NAV2: variants seen among roughly 807,000 people sequenced by gnomAD.
NAV2 encodes helicase, APC down-regulated 1.
Under a neutral mutation model 223.2 loss-of-function variants are expected in NAV2, and 54 were observed. The observed-to-expected ratio is 0.24, with a 90% CI of 0.19 to 0.30. The LOEUF is 0.30. Among genes scored for constraint, NAV2 ranks in the 10% least tolerant of loss-of-function variants. NAV2 has a pLI of 1.00. For synonymous variants in NAV2, 1,279 were observed against 1,239.3 expected, an observed-to-expected ratio of 1.03 and a Z score of -0.67; for missense variants, 2,806 against 3,147.5, an observed-to-expected ratio of 0.89 and a Z score of 2.60.
rs562606699 is a variant in NAV2, at chr11:19,689,560, T to G, written c.76-142924T>G. On this transcript the variant is annotated intron_variant, in intron 1 of 37. Transcript: ENST00000360655. ...CATAATCAGCCAGCTAAATTGCCTT[T>G]TGGTTTCTGATTTTGGTGGCATTGC... Among the ~76,000 whole-genome samples, 26 of 152,334 alleles carry G rather than the reference T, an allele frequency of 1.7e-4. No individual in the cohort carries two copies. The East Asian group carries it at 5.0e-3, about 29-fold the overall frequency.
At chr11:19,546,788 C>A (rs1455840989) in intron 1 of NAV2, among the ~76,000 whole-genome samples, 1 of 152,188 alleles carries the variant, frequency 6.6e-6, no homozygotes, top group Non-Finnish European at 1.5e-5. Context: ...CCATCTCTCT[C>A]CTCTTGAGAT....
At chr11:19,387,851 A>G (rs1196055067) in intron 1 of NAV2, among the ~76,000 whole-genome samples, 11 of 152,190 alleles carry the variant, frequency 7.2e-5, no homozygotes, top group Admixed American at 6.5e-4. Context: ...AATGGAGAGG[A>G]AAAACTTGCA....
chr11:19,849,012 G>T (rs745541479), intron 3 of NAV2, among the ~76,000 whole-genome samples: 31 of 152,040 alleles, frequency 2.0e-4, no homozygotes, highest in Non-Finnish European at 4.1e-4. Flanking sequence ...CACCTCGCAG[G>T]GTTACCATGA....
In NAV2 at chr11:20,101,178, G is replaced by A. The variant is rs532868475; in HGVS notation, c.6417+6G>A. Reference sequence around the variant, plus strand: ...TGGACCATAAGTCCAGCAAGGTGAGGAGGTCATTCTGAGTCTGCTGTATTT... The same window carrying A: ...TGGACCATAAGTCCAGCAAGGTGAGAAGGTCATTCTGAGTCTGCTGTATTT... On this transcript the variant is annotated splice_donor_region_variant and intron_variant, in intron 32 of 37. Transcript: ENST00000349880. The A allele has an allele frequency of 4.4e-6, 7 of 1,606,172 alleles. No individual in the cohort carries two copies. The South Asian group carries it at 5.5e-5, about 13-fold the overall frequency.
At chr11:20,051,754 T>C (rs1326126385) in intron 17 of NAV2, among the ~76,000 whole-genome samples, 1 of 152,222 alleles carries the variant, frequency 6.6e-6, no homozygotes, top group East Asian at 1.9e-4. Context: ...CAAGGAATAT[T>C]TTCCCCCAAT....
chr11:19,674,418 A>AT (rs1235028806), intron 1 of NAV2, among the ~76,000 whole-genome samples: 49 of 152,112 alleles, frequency 3.2e-4, no homozygotes, highest in African/African-American at 1.0e-3. Flanking sequence ...CCAAGTAGCA[A>AT]TTTTTTTTCA....
At chr11:19,608,016 A>T (rs2046527502) in intron 1 of NAV2, among the ~76,000 whole-genome samples, 2 of 152,216 alleles carry the variant, frequency 1.3e-5, no homozygotes, top group African/African-American at 4.8e-5. Context: ...GTGCAAAACC[A>T]GAACCTCCCC....
chr11:20,088,755 G>T (rs2060622320), intron 26 of NAV2, among the ~76,000 whole-genome samples: 1 of 152,198 alleles, frequency 6.6e-6, no homozygotes, highest in African/African-American at 2.4e-5. Flanking sequence ...CAGATCAGGT[G>T]AAGATGACTT....
chr11:19,693,403 AAC>A (rs1443353160), intron 1 of NAV2, among the ~76,000 whole-genome samples: 1 of 152,232 alleles, frequency 6.6e-6, no homozygotes, highest in Non-Finnish European at 1.5e-5. Context: ...TGCTGACACA[AAC>A]ACAGTGTTCA....
chr11:19,800,041 G>T (rs534504733), intron 1 of NAV2, among the ~76,000 whole-genome samples: 4 of 152,274 alleles, frequency 2.6e-5, no homozygotes, highest in African/African-American at 9.6e-5. Context: ...GGAGCTCAAG[G>T]GAGCCCCTCA....
chr11:19,681,139 G>A (rs1703660823), intron 1 of NAV2, among the ~76,000 whole-genome samples: 1 of 152,208 alleles, frequency 6.6e-6, no homozygotes, highest in African/African-American at 2.4e-5. Context: ...ACAGAGCCAG[G>A]GGTTGAACTG....
intron 1 of NAV2, among the ~76,000 whole-genome samples, chr11:19,606,349 C>T (rs553377770): frequency 3.3e-5 from 5 of 152,278 alleles, no homozygotes; most frequent in Admixed American, 1.3e-4. Flanking sequence ...TTAAATGTTA[C>T]ACTACTCATT....
intron 1 of NAV2, among the ~76,000 whole-genome samples, chr11:19,361,676 T>C (rs1255426257): frequency 6.6e-6 from 1 of 152,150 alleles, no homozygotes; most frequent in African/African-American, 2.4e-5. Context: ...GTGTGAGCTC[T>C]CTTTTCTGGT....
chr11:19,357,921 A>G (rs1231266032), intron 1 of NAV2, among the ~76,000 whole-genome samples: 1 of 152,126 alleles, frequency 6.6e-6, no homozygotes, highest in Admixed American at 6.5e-5. Context: ...GAAATTTTTT[A>G]TTGAATTTCA....
intron 1 of NAV2, among the ~76,000 whole-genome samples, chr11:19,742,787 C>T (rs1401804116): frequency 6.6e-6 from 1 of 152,236 alleles, no homozygotes; most frequent in African/African-American, 2.4e-5. Flanking sequence ...GGATTAGAAG[C>T]TGCAGCTCTG....
intron 1 of NAV2, among the ~76,000 whole-genome samples, chr11:19,469,199 T>A (rs189542133): frequency 2.6e-3 from 397 of 152,328 alleles, no homozygotes; most frequent in African/African-American, 8.7e-3. Flanking sequence ...GATCAGTGGC[T>A]GTTCCTCTTG....
chr11:19,996,225 C>T (rs933906781), intron 11 of NAV2, among the ~76,000 whole-genome samples: 1 of 152,190 alleles, frequency 6.6e-6, no homozygotes, highest in African/African-American at 2.4e-5. Flanking sequence ...TGCTTGCCTC[C>T]CTCTTTGTTT....
chr11:20,037,142 T>G (rs1422855561), intron 12 of NAV2, among the ~76,000 whole-genome samples: 1 of 152,114 alleles, frequency 6.6e-6, no homozygotes, highest in Non-Finnish European at 1.5e-5. Context: ...CCCTCCCATT[T>G]GCAGGCGCCA....
chr11:19,611,217 A>T (rs1229304547), intron 1 of NAV2, among the ~76,000 whole-genome samples: 1 of 152,164 alleles, frequency 6.6e-6, no homozygotes, highest in Non-Finnish European at 1.5e-5. Context: ...TGGCCCCATG[A>T]TTCAATTACC....
Sources: gnomAD v4.1 joint callset for allele counts (sites outside exome capture counted in the v4.1 genomes callset) on GRCh38, gnomAD v4.1.1 for gene constraint, MANE v1.5 for transcripts, NCBI Gene and HGNC (gene_info 2026-07-23, HGNC 2026-07-21) for gene names.